Variants in SGCG observed in about 807,000 individuals in gnomAD.
SGCG encodes the protein sarcoglycan gamma.
In SGCG, 26 loss-of-function variants were observed where a neutral mutation model predicts 29.3. The ratio of observed to expected loss-of-function variants is 0.89; its 90% CI spans 0.65 to 1.23. The LOEUF (loss-of-function observed/expected upper bound fraction) is 1.23. Among genes scored for constraint, SGCG ranks in the 50% most tolerant of loss-of-function variants. SGCG has a pLI of 0.00. For synonymous variants in SGCG, 145 were observed against 129.7 expected (o/e 1.12, Z -0.80); for missense variants, 353 against 356.0 (o/e 0.99, Z 0.07).
chr13:23,216,652 T>C (rs570076548), intron 2 of SGCG, among the ~76,000 whole-genome samples: 1 of 152,264 alleles, frequency 6.6e-6, no homozygotes, highest in South Asian at 2.1e-4. Context: ...TTCTTAAAGT[T>C]GTTGCTTTCC....
the SGCG span, among the ~76,000 whole-genome samples, chr13:23,160,673 C>G: frequency 6.6e-6 from 1 of 152,194 alleles, no homozygotes; most frequent in Non-Finnish European, 1.5e-5. Flanking sequence ...CGGCCCGCCA[C>G]TTCGCCTTCA....
chr13:23,291,132 A>C (rs1881691954), intron 5 of SGCG, among the ~76,000 whole-genome samples: 1 of 152,232 alleles, frequency 6.6e-6, no homozygotes, highest in Non-Finnish European at 1.5e-5. Flanking sequence ...ACCATGTCTA[A>C]TCTCAATGAC....
the SGCG span, among the ~76,000 whole-genome samples, chr13:23,168,047 T>A: frequency 1.3e-5 from 2 of 152,270 alleles, no homozygotes; most frequent in South Asian, 4.1e-4. Flanking sequence ...CCCTTGCCCA[T>A]TTTTTAAATT....
intron 6 of SGCG, among the ~76,000 whole-genome samples, chr13:23,303,703 G>T (rs1028229380): frequency 1.3e-5 from 2 of 152,174 alleles, no homozygotes; most frequent in African/African-American, 2.4e-5. Context: ...TTTACAATGT[G>T]CTTGTGCAGG....
chr13:23,189,726 G>A (rs1877163511), intron 1 of SGCG, among the ~76,000 whole-genome samples: 1 of 152,224 alleles, frequency 6.6e-6, no homozygotes, highest in African/African-American at 2.4e-5. Flanking sequence ...AATAGTATGA[G>A]AAGATAGATG....
At chr13:23,322,805 G>A (rs1462156504) in intron 7 of SGCG, among the ~76,000 whole-genome samples, 3 of 99,024 alleles carry the variant, frequency 3.0e-5, no homozygotes, top group South Asian at 3.3e-4. Flanking sequence ...CAGGTGTAAC[G>A]TGGTGCCGCG....
At chr13:23,207,097 A>G (rs1878008155) in intron 2 of SGCG, among the ~76,000 whole-genome samples, 1 of 152,226 alleles carries the variant, frequency 6.6e-6, no homozygotes, top group South Asian at 2.1e-4. Flanking sequence ...TTTAAACAGT[A>G]TGGTACTGGC....
intron 3 of SGCG, among the ~76,000 whole-genome samples, chr13:23,237,543 A>G (rs1161808605): frequency 2.6e-5 from 4 of 152,252 alleles, no homozygotes; most frequent in Non-Finnish European, 5.9e-5. Flanking sequence ...ATTTGAATAA[A>G]GCAGCATATA....
chr13:23,301,069 C>A (rs1882142498), intron 6 of SGCG, among the ~76,000 whole-genome samples: 1 of 151,830 alleles, frequency 6.6e-6, no homozygotes, highest in South Asian at 2.1e-4. Context: ...TGAGCCGAGA[C>A]CACGCCACTG....
intron 4 of SGCG, among the ~76,000 whole-genome samples, chr13:23,275,251 A>G (rs1386164221): frequency 6.6e-6 from 1 of 151,778 alleles, no homozygotes; most frequent in African/African-American, 2.4e-5. Context: ...GCAGTGGCTC[A>G]TGCCTGTAAT....
chr13:23,309,683 CATTTTG>C (rs1488684586), intron 6 of SGCG, among the ~76,000 whole-genome samples: 1 of 152,050 alleles, frequency 6.6e-6, no homozygotes, highest in Non-Finnish European at 1.5e-5. Context: ...AAGAAAGTTC[CATTTTG>C]GTCTAAGTAC....
At chr13:23,307,366 G>C (rs1382156385) in intron 6 of SGCG, among the ~76,000 whole-genome samples, 3 of 152,150 alleles carry the variant, frequency 2.0e-5, no homozygotes, top group Non-Finnish European at 4.4e-5. Flanking sequence ...TCAGATATTA[G>C]TAGTCTTTTT....
At chr13:23,169,876 A>G in the SGCG span, 61,602 of 152,044 alleles carry the variant, frequency 0.41, 12,446 homozygotes, top group South Asian at 0.45. Flanking sequence ...ATAACGGAGA[A>G]GCACAAGATT....
chr13:23,311,702 T>C (rs1387051427), intron 6 of SGCG, among the ~76,000 whole-genome samples: 1 of 152,210 alleles, frequency 6.6e-6, no homozygotes. Context: ...GTATTCAGGA[T>C]AAAATTACTA....
chr13:23,291,550 T>C (rs1881704947), intron 5 of SGCG, among the ~76,000 whole-genome samples: 1 of 152,222 alleles, frequency 6.6e-6, no homozygotes, highest in Non-Finnish European at 1.5e-5. Context: ...TGAATAGTGA[T>C]GATATAATCA....
the SGCG span, among the ~76,000 whole-genome samples, chr13:23,171,742 C>T: frequency 3.9e-5 from 6 of 152,274 alleles, no homozygotes; most frequent in East Asian, 1.2e-3. Flanking sequence ...ATGAGTAGTT[C>T]ACAATAGGGT....
chr13:23,204,023 C>CAA (rs1168600749), intron 2 of SGCG, 134 bp downstream of exon 2: 22 of 721,232 alleles, frequency 3.1e-5, no homozygotes, highest in South Asian at 6.4e-5. Context: ...ATTTCAGGAG[C>CAA]AAAATATGTA....
intron 4 of SGCG, chr13:23,269,073 C>CA (rs997006593): frequency 2.0e-5 from 3 of 152,014 alleles, no homozygotes; most frequent in African/African-American, 7.2e-5. Context: ...AATGTCCAGT[C>CA]AAAAAATAGA....
chr13:23,292,220 A>C (rs995005445), intron 5 of SGCG, among the ~76,000 whole-genome samples: 3 of 151,862 alleles, frequency 2.0e-5, no homozygotes, highest in Non-Finnish European at 2.9e-5. Context: ...AATGATTCTC[A>C]TGCCTCAGCC....
Sources: allele counts gnomAD v4.1 joint callset (sites outside exome capture counted in the v4.1 genomes callset), GRCh38; gene constraint gnomAD v4.1.1; transcripts MANE v1.5; gene names NCBI Gene and HGNC (gene_info 2026-07-23, HGNC 2026-07-21).